The following NEK10 variants were observed in gnomAD, a reference collection of about 807,000 sequenced individuals.
NEK10 encodes serine/threonine-protein kinase Nek10.
NEK10 carries 122 observed loss-of-function variants against 159.8 expected under a neutral mutation model. The ratio of observed to expected loss-of-function variants is 0.76; its 90% CI spans 0.66 to 0.89. The LOEUF (loss-of-function observed/expected upper bound fraction) is 0.89, where lower values mean the gene tolerates loss of function less well. Ranked by LOEUF, NEK10 falls within the 40% of genes least tolerant of loss-of-function variation. The pLI, the probability that NEK10 is intolerant of heterozygous loss-of-function variation, is 0.00. For missense variants in NEK10, 1,342 were observed against 1,323.1 expected (o/e 1.01, Z -0.22); for synonymous variants, 466 against 457.1 (o/e 1.02, Z -0.25).
At chr3:27,345,511 A>G (rs750214009) in intron 4 of NEK10, among the ~76,000 whole-genome samples, 1 of 152,192 alleles carries the variant, frequency 6.6e-6, no homozygotes, top group Non-Finnish European at 1.5e-5. Context: ...CACTATTTAC[A>G]TGGTACTTAG....
intron 19 of NEK10, 28 bp downstream of exon 19, chr3:27,290,589 C>T (rs780921361): frequency 1.3e-6 from 2 of 1,532,104 alleles, no homozygotes; most frequent in Non-Finnish European, 1.8e-6. Flanking sequence ...TTAAGAAAAA[C>T]ATCTTCAGAA....
At chr3:27,237,905 T>G (rs1954116225) in intron 23 of NEK10, among the ~76,000 whole-genome samples, 1 of 152,190 alleles carries the variant, frequency 6.6e-6, no homozygotes, top group Non-Finnish European at 1.5e-5. Flanking sequence ...AAAAGGGCTG[T>G]GTCACCAATA....
chr3:27,357,419 T>G (rs564701148), intron 1 of NEK10, among the ~76,000 whole-genome samples: 184 of 152,346 alleles, frequency 1.2e-3, no homozygotes, highest in African/African-American at 4.0e-3. Flanking sequence ...GTAATAATCC[T>G]GAGCACATTC....
At chr3:27,263,783 G>A (rs1482364871) in intron 22 of NEK10, among the ~76,000 whole-genome samples, 6 of 152,190 alleles carry the variant, frequency 3.9e-5, no homozygotes, top group Middle Eastern at 3.4e-3. Flanking sequence ...GCAATGCCTC[G>A]CCCTGCTTTG....
At chr3:27,168,721 T>C (rs1185349840) in intron 29 of NEK10, among the ~76,000 whole-genome samples, 8 of 152,204 alleles carry the variant, frequency 5.3e-5, no homozygotes. Flanking sequence ...TCACGCTGTA[T>C]TACCACATTT....
chr3:27,284,786 G>A (rs2042454907), intron 21 of NEK10, 54 bp downstream of exon 21: 1 of 1,547,612 alleles, frequency 6.5e-7, no homozygotes, highest in Admixed American at 1.7e-5. Flanking sequence ...TCTTTAAGAA[G>A]CCAGCTCAGA....
intron 5 of NEK10, among the ~76,000 whole-genome samples, chr3:27,326,430 G>A (rs974670432): frequency 2.0e-5 from 3 of 152,142 alleles, no homozygotes; most frequent in East Asian, 1.9e-4. Context: ...GATGATTCAC[G>A]CTACAAATAT....
chr3:27,133,946 C>A (rs965019218), intron 31 of NEK10, among the ~76,000 whole-genome samples: 1 of 152,224 alleles, frequency 6.6e-6, no homozygotes, highest in South Asian at 2.1e-4. Flanking sequence ...ATTATAGTTT[C>A]TTTTGCCTTA....
At chr3:27,256,463 C>T (rs929808275) in intron 22 of NEK10, 92 bp from the exon 23 acceptor site, 5 of 533,726 alleles carry the variant, frequency 9.4e-6, no homozygotes, top group African/African-American at 2.0e-5. Context: ...ATAACTACTA[C>T]ACTTCATAAC....
intron 23 of NEK10, among the ~76,000 whole-genome samples, chr3:27,229,651 G>C (rs548381920): frequency 4.6e-5 from 7 of 152,172 alleles, no homozygotes; most frequent in African/African-American, 1.2e-4. Flanking sequence ...AAATTTTCCG[G>C]AGAGATAGAT....
chr3:27,312,186 A>AG lies in NEK10; in HGVS notation c.490-10dup. On this transcript the variant is annotated splice_polypyrimidine_tract_variant and intron_variant, in intron 7 of 35. Transcript: ENST00000691995. The stretch of plus-strand genomic sequence containing the variant: ...GCTACAATCTCCATATACTGCATGA[A>AG]GGACCAAACCAACAAGCCAGTCAGG... 6.3e-7 allele frequency: 1 copy of AG among 1,577,206 alleles called. No individual in the cohort carries two copies.
At chr3:27,153,375 C>A (rs551692157) in intron 30 of NEK10, among the ~76,000 whole-genome samples, 1 of 151,056 alleles carries the variant, frequency 6.6e-6, no homozygotes, top group African/African-American at 2.4e-5. Context: ...CAGTACTCCA[C>A]TGACACAATT....
chr3:27,331,247 A>AAAAAAAAAAAAAAAAAAAAAAAAC (rs1559513307), intron 5 of NEK10, among the ~76,000 whole-genome samples: 1 of 127,718 alleles, frequency 7.8e-6, no homozygotes, highest in African/African-American at 2.6e-5. Flanking sequence ...CAAAAAAAAA[A>AAAAAAAAAAAAAAAAAAAAAAAAC]AAACAAAAAA....
At chr3:27,192,545 C>G (rs1949209423) in intron 25 of NEK10, among the ~76,000 whole-genome samples, 1 of 151,132 alleles carries the variant, frequency 6.6e-6, no homozygotes, top group Non-Finnish European at 1.5e-5. Flanking sequence ...ACCATCTTCT[C>G]CTGCATGGGT....
chr3:27,290,358 G>T (rs2042910292), intron 19 of NEK10, among the ~76,000 whole-genome samples: 2 of 152,122 alleles, frequency 1.3e-5, no homozygotes, highest in Non-Finnish European at 2.9e-5. Context: ...GAAAAGAAAA[G>T]GATTTCTCAT....
intron 23 of NEK10, among the ~76,000 whole-genome samples, chr3:27,234,925 C>T (rs886760374): frequency 1.3e-5 from 2 of 152,006 alleles, no homozygotes; most frequent in African/African-American, 4.8e-5. Context: ...ACACATAGAC[C>T]AATGGAACAC....
chr3:27,169,131 T>G (rs1946731213), intron 29 of NEK10, among the ~76,000 whole-genome samples: 1 of 152,204 alleles, frequency 6.6e-6, no homozygotes, highest in South Asian at 2.1e-4. Context: ...GATACCTACA[T>G]TCATCTGATT....
In NEK10 at chr3:27,117,105, G is replaced by T. The variant is rs532359811; in HGVS notation, c.3191-978C>A. Among the ~76,000 whole-genome samples, 47 of 152,218 alleles carry T rather than the reference G, an allele frequency of 3.1e-4. No homozygotes were observed. In the South Asian group the frequency reaches 9.8e-3, roughly 32 times the overall value. ...TGGTTTTCTGTTCCCGTGTTAGTTTGCTGAGGATAATGGCTTCCAGCTCCA... is the reference window on the plus strand; with the variant it reads ...TGGTTTTCTGTTCCCGTGTTAGTTTTCTGAGGATAATGGCTTCCAGCTCCA... On this transcript the variant is annotated intron_variant, in intron 33 of 35. Transcript: ENST00000691995.
intron 33 of NEK10, among the ~76,000 whole-genome samples, chr3:27,117,614 C>T (rs898815312): frequency 1.3e-5 from 2 of 152,182 alleles, no homozygotes; most frequent in Non-Finnish European, 2.9e-5. Flanking sequence ...TTGTTGGCCG[C>T]ATAAATGTCT....
Sources: gnomAD v4.1 joint callset for allele counts (sites outside exome capture counted in the v4.1 genomes callset) on GRCh38, gnomAD v4.1.1 for gene constraint, MANE v1.5 for transcripts, NCBI Gene and HGNC (gene_info 2026-07-23, HGNC 2026-07-21) for gene names.